CIP2A: variants seen among roughly 807,000 people sequenced by gnomAD.
CIP2A encodes protein CIP2A.
CIP2A carries 103 observed loss-of-function variants against 110.9 expected under a neutral mutation model. The ratio of observed to expected loss-of-function variants is 0.93; its 90% CI spans 0.79 to 1.09. CIP2A has a LOEUF of 1.09. Ranked by LOEUF, CIP2A falls within the 50% of genes least tolerant of loss-of-function variation. The pLI is 0.00. For missense variants in CIP2A, 1,088 were observed against 1,038.4 expected, an observed-to-expected ratio of 1.05 and a Z score of -0.66; for synonymous variants, 381 against 361.6, an observed-to-expected ratio of 1.05 and a Z score of -0.61.
At chr3:108,569,168 C>CTATGTATATATATATATATATATATATA (rs1938287752) in intron 9 of CIP2A, among the ~76,000 whole-genome samples, 1 of 11,086 alleles carries the variant, frequency 9.0e-5, no homozygotes, top group African/African-American at 2.1e-4. Flanking sequence ...GAAATGAGCA[C>CTATGTATATATATATATATATATATATA]TATATATATA....
rs1473770630 is a variant in CIP2A at position 108,589,256 on chromosome 3, T to C, written c.102+18A>G. On this transcript the variant is annotated intron_variant, in intron 1 of 20. Coordinates refer to ENST00000295746, the MANE Select transcript of CIP2A (RefSeq NM_020890.3). ...GCTAGGGGAAGCCCCATCTGTCCTC[T>C]ACCCCAGAGCCTCTCACCTCCAAGT... 2 of 1,597,148 alleles carry C rather than the reference T, an allele frequency of 1.3e-6. No individual in the cohort carries two copies. The highest frequency in any genetic ancestry group is 4.5e-5 in the East Asian group (2 of 44,772).
Position 108,579,417 on chromosome 3 carries a change from C to G in CIP2A, c.682G>C (p.Ala228Pro). 6.2e-7 allele frequency: 1 copy of G among 1,607,268 alleles called. No individual in the cohort carries two copies. Among genetic ancestry groups the G allele is most frequent in the South Asian group, 1.1e-5 (1 of 90,050 alleles). ...TGAAAAGTCTGATGAATGTTTCGAG[C>G]ATGGAATAGCTTAAGGACAAATTAG... The part of the protein sequence containing the change: ...NEEVGEKLFH[A>P]RNIHQTFQLI... Residue 228 changes from alanine (A) to proline (P), a missense_variant, in exon 7 of 21, where the codon GCT (alanine) becomes CCT (proline). Ala to Pro is a conservative substitution (Grantham distance 27). Transcript: ENST00000295746.
intron 14 of CIP2A, among the ~76,000 whole-genome samples, 174 bp downstream of exon 14, chr3:108,560,475 A>G (rs553047008): frequency 3.1e-4 from 47 of 152,126 alleles, no homozygotes; most frequent in Non-Finnish European, 6.3e-4. Context: ...ACCCGGCAAA[A>G]TGTTGAAATT....
chr3:108,569,729 GT>G (rs1269733920), intron 8 of CIP2A, 122 bp from the exon 9 acceptor site: 2 of 735,176 alleles, frequency 2.7e-6, no homozygotes, highest in Non-Finnish European at 4.5e-6. Flanking sequence ...CAAAACTTAA[GT>G]TTTTTCTTTC....
chr3:108,552,823 C>G (rs1032486780), intron 19 of CIP2A, among the ~76,000 whole-genome samples: 1 of 152,092 alleles, frequency 6.6e-6, no homozygotes, highest in East Asian at 1.9e-4. Flanking sequence ...AACGAAGGAA[C>G]AGAAAACCAA....
intron 1 of CIP2A, among the ~76,000 whole-genome samples, chr3:108,588,099 C>A (rs1350474530): frequency 2.0e-5 from 3 of 152,100 alleles, no homozygotes; most frequent in African/African-American, 7.2e-5. Context: ...GCACAACCTT[C>A]CTGTTTATTC....
At chr3:108,576,623 A>G (rs1020502120) in intron 7 of CIP2A, among the ~76,000 whole-genome samples, 3 of 152,218 alleles carry the variant, frequency 2.0e-5, no homozygotes, top group Non-Finnish European at 4.4e-5. Flanking sequence ...ACACATCACT[A>G]TTAAAATTTT....
At chr3:108,575,367 T>C (rs1034950548) in intron 8 of CIP2A, among the ~76,000 whole-genome samples, 4 of 150,620 alleles carry the variant, frequency 2.7e-5, no homozygotes, top group Admixed American at 6.6e-5. Context: ...TATATATACA[T>C]ACACATATAC....
intron 14 of CIP2A, 132 bp downstream of exon 14, chr3:108,560,517 A>C (rs1048497519): frequency 1.8e-5 from 11 of 622,752 alleles, no homozygotes; most frequent in Middle Eastern, 4.7e-4. Flanking sequence ...CAAATTTTCC[A>C]GAATATTGTT....
intron 8 of CIP2A, among the ~76,000 whole-genome samples, chr3:108,575,721 T>A (rs36185544): frequency 5.0e-5 from 2 of 39,792 alleles, no homozygotes; most frequent in African/African-American, 2.3e-4. Context: ...CATATACATG[T>A]GTATATATAC....
chr3:108,566,673 C>T (rs760209396), intron 10 of CIP2A, 35 bp from the exon 11 acceptor site: 82 of 1,395,896 alleles, frequency 5.9e-5, no homozygotes, highest in Non-Finnish European at 7.6e-5. Flanking sequence ...CAAAAAAATT[C>T]TCACTTTATG....
chr3:108,568,894 G>A (rs79941369), intron 9 of CIP2A, among the ~76,000 whole-genome samples: 1,949 of 151,720 alleles, frequency 0.013, 51 homozygotes, highest in African/African-American at 0.044. Context: ...TTTATAAACA[G>A]GGAGAATAGT....
At chr3:108,586,672 T>G (rs1939051306) in intron 1 of CIP2A, among the ~76,000 whole-genome samples, 1 of 152,230 alleles carries the variant, frequency 6.6e-6, no homozygotes, top group African/African-American at 2.4e-5. Context: ...ACCACTATTT[T>G]GTTTTGCAGA....
At position 108,565,506 on chromosome 3, in the gene CIP2A, T is replaced by A. The variant is rs375095001; in HGVS notation, c.1416-52A>T. 164 of 968,346 alleles carry A rather than the reference T, an allele frequency of 1.7e-4. No homozygotes were observed. In the African/African-American group the frequency reaches 2.6e-3, roughly 15 times the overall value. 60.0% of individuals were successfully genotyped at this position (968,346 alleles called of 1,614,324 possible). Reference sequence around the variant, plus strand: ...AGATAACTGAAAAATTTCTTAGAGCTTGTTTCTGTCCAAAATTCTAAAGAA... The same window carrying A: ...AGATAACTGAAAAATTTCTTAGAGCATGTTTCTGTCCAAAATTCTAAAGAA... On this transcript the variant is annotated intron_variant, in intron 11 of 20. Coordinates refer to ENST00000295746, the MANE Select transcript of CIP2A (RefSeq NM_020890.3).
intron 4 of CIP2A, 23 bp from the exon 5 acceptor site, chr3:108,581,534 TGTTTA>T (rs1160205038): frequency 7.0e-7 from 1 of 1,433,574 alleles, no homozygotes; most frequent in Non-Finnish European, 9.8e-7. Flanking sequence ...ATTGGTGTTT[TGTTTA>T]AAGAAAAAAT....
chr3:108,578,418 A>G (rs999142806), intron 7 of CIP2A, among the ~76,000 whole-genome samples: 7 of 152,198 alleles, frequency 4.6e-5, no homozygotes, highest in Admixed American at 1.3e-4. Flanking sequence ...GTGAAATGCT[A>G]AAGTGAATAC....
At chr3:108,576,423 A>AAT (rs1339756585) in intron 7 of CIP2A, 77 bp from the exon 8 acceptor site, 31 of 759,118 alleles carry the variant, frequency 4.1e-5, no homozygotes, top group Non-Finnish European at 5.6e-5. Context: ...CTACAAGATA[A>AAT]ATATAAAATT....
intron 5 of CIP2A, among the ~76,000 whole-genome samples, chr3:108,580,714 C>T (rs1938842325): frequency 6.6e-6 from 1 of 151,962 alleles, no homozygotes; most frequent in South Asian, 2.1e-4. Context: ...CTCCAACCTC[C>T]ACCTCCCGGG....
chr3:108,552,270 G>T lies in CIP2A; in HGVS notation c.2511C>A (p.Ser837Arg). The T allele has an allele frequency of 6.3e-7, 1 of 1,577,458 alleles. No individual in the cohort carries two copies. The highest frequency in any genetic ancestry group is 8.6e-7 in the Non-Finnish European group (1 of 1,161,430). ...ACTCTTTTCTTATCTGTTCTGTTCT[G>T]CTTAATTCTTTTCTAAGGATATCAA... ...ETIDILRKEL[S>R]RTEQIRKELS... The change falls in exon 20 of 21, where the codon AGC becomes AGA. Residue 837 changes from serine (S) to arginine (R), a missense_variant. Transcript: ENST00000295746.
Sources: gnomAD v4.1 joint callset for allele counts (sites outside exome capture counted in the v4.1 genomes callset) on GRCh38, gnomAD v4.1.1 for gene constraint, MANE v1.5 for transcripts, NCBI Gene and HGNC (gene_info 2026-07-23, HGNC 2026-07-21) for gene names.